Variants in CUL5 observed in about 807,000 individuals in gnomAD.
CUL5 encodes cullin 5.
Under a neutral mutation model 108.8 loss-of-function variants are expected in CUL5, and 26 were observed. The observed-to-expected ratio is 0.24, with a 90% CI of 0.18 to 0.33. The LOEUF is 0.33. CUL5 is among the 10% of genes least tolerant of loss of function. The pLI is 1.00. For missense variants in CUL5, 524 were observed against 909.2 expected (o/e 0.58, Z 5.45); for synonymous variants, 334 against 298.0 (o/e 1.12, Z -1.25).
Position 108,073,411 on chromosome 11 carries a change from C to G in CUL5, c.1027C>G (p.Gln343Glu), listed in dbSNP as rs1409629490. The change falls in exon 10 of 19, where the codon CAG (glutamine) becomes GAG (glutamate). Residue 343 changes from glutamine (Q) to glutamate (E), a missense_variant. Gln to Glu is a conservative substitution (Grantham distance 29). This residue lies in a region of CUL5 where 27 missense variants were observed against 21.3 expected (regional missense o/e 1.27). Transcript: ENST00000393094. ...CTAGGACTCTGAGAAATACGTTGAG[C>G]AGTTACTTACACTATTTAATAGATT... is the stretch of plus-strand genomic sequence containing the variant. Reference protein sequence around the residue: ...ITTDSEKYVEQLLTLFNRFSK... With the variant: ...ITTDSEKYVEELLTLFNRFSK... The G allele has an allele frequency of 1.9e-6, 3 of 1,567,204 alleles. No individual in the cohort carries two copies. Among genetic ancestry groups the G allele is most frequent in the Non-Finnish European group, 2.6e-6 (3 of 1,151,036 alleles).
chr11:108,065,276 G>C (rs1863645346), intron 7 of CUL5, among the ~76,000 whole-genome samples: 1 of 152,118 alleles, frequency 6.6e-6, no homozygotes. Flanking sequence ...GCCCACCTCT[G>C]CCTGGCAAAG....
chr11:108,102,771 T>G (rs1461144823), intron 18 of CUL5, among the ~76,000 whole-genome samples: 1 of 152,208 alleles, frequency 6.6e-6, no homozygotes, highest in Non-Finnish European at 1.5e-5. Context: ...ATTTTGACAT[T>G]TCTTTTACAA....
chr11:108,010,819 C>T (rs1174131218), intron 1 of CUL5, among the ~76,000 whole-genome samples: 1 of 152,116 alleles, frequency 6.6e-6, no homozygotes, highest in East Asian at 1.9e-4. Flanking sequence ...AATTTGTGGG[C>T]TGGGCACAGT....
At chr11:108,067,682 T>A (rs1863720302) in intron 7 of CUL5, among the ~76,000 whole-genome samples, 1 of 152,192 alleles carries the variant, frequency 6.6e-6, no homozygotes, top group Admixed American at 6.5e-5. Context: ...AAGTTTTCAA[T>A]GAAATAGAAA....
rs1861989228 is a variant in CUL5, at chr11:108,009,062, G to T, written c.-287G>T. 5.9e-6 allele frequency: 3 copies of T among 505,030 alleles called. No homozygotes were observed. The highest frequency in any genetic ancestry group is 3.6e-5 in the Admixed American group (1 of 27,900). The allele number at this position is 505,030 out of a possible 1,614,324, so 31.3% of individuals were successfully genotyped here. A position where few individuals can be genotyped will look rare whatever the true frequency, so the allele number is the denominator to read the frequency against. ...GTCGATGCTTCCTCTTCCAAGTCAG[G>T]TCGGCTCCCGTTACCTTCTCAGCAT... is the stretch of plus-strand genomic sequence containing the variant. On this transcript the variant is annotated 5_prime_UTR_variant, in exon 1 of 19. Coordinates refer to ENST00000393094, the MANE Select transcript of CUL5 (RefSeq NM_003478.6).
chr11:108,048,648 CTTTTTTTTTTTTTTTTTTTTTTTT>C (rs200991204), intron 3 of CUL5, among the ~76,000 whole-genome samples: 3 of 116,868 alleles, frequency 2.6e-5, no homozygotes, highest in Non-Finnish European at 5.1e-5. Flanking sequence ...ACTCCACCAC[CTTTTTTTTTTTTTTTTTTTTTTTT>C]TTTTTTTTTT....
chr11:108,094,200 A>G (rs1256799173), intron 13 of CUL5, among the ~76,000 whole-genome samples, 191 bp from the exon 14 acceptor site: 1 of 152,238 alleles, frequency 6.6e-6, no homozygotes, highest in Non-Finnish European at 1.5e-5. Context: ...TGCGCAAAGC[A>G]GGGACCCCTT....
At chr11:108,029,090 C>G (rs1862517595) in intron 1 of CUL5, among the ~76,000 whole-genome samples, 1 of 152,212 alleles carries the variant, frequency 6.6e-6, no homozygotes, top group Admixed American at 6.5e-5. Flanking sequence ...CTAGAATACC[C>G]TTTTTCCAGG....
Position 108,024,492 on chromosome 11 carries a change from C to G in CUL5, c.25-9310C>G, listed in dbSNP as rs1416425520. Among the ~76,000 whole-genome samples the G allele has an allele frequency of 2.0e-5, 3 of 152,234 alleles. No homozygotes were observed. The East Asian group carries it at 5.8e-4, about 29-fold the overall frequency. Reference sequence around the variant, plus strand: ...CATAGGATAGTTGTGAAGATTAATTCATACTTGTAAAGTGTTTGGAACAGT... The same window carrying G: ...CATAGGATAGTTGTGAAGATTAATTGATACTTGTAAAGTGTTTGGAACAGT... On this transcript the variant is annotated intron_variant, in intron 1 of 18. Coordinates refer to ENST00000393094, the MANE Select transcript of CUL5 (RefSeq NM_003478.6).
chr11:108,025,964 G>A (rs1002455008), intron 1 of CUL5, among the ~76,000 whole-genome samples: 8 of 152,142 alleles, frequency 5.3e-5, no homozygotes, highest in African/African-American at 1.9e-4. Flanking sequence ...CTCAGGAAGC[G>A]CTGTCCTGCA....
At chr11:108,069,872 T>G (rs956151347) in intron 7 of CUL5, among the ~76,000 whole-genome samples, 4 of 152,220 alleles carry the variant, frequency 2.6e-5, no homozygotes, top group African/African-American at 9.6e-5. Context: ...TTGTTAAAAT[T>G]TCTAAAGAGA....
chr11:108,066,707 T>G (rs1261374031), intron 7 of CUL5, among the ~76,000 whole-genome samples: 1 of 152,220 alleles, frequency 6.6e-6, no homozygotes. Context: ...GTATTTCTTA[T>G]CAAGCACCAG....
intron 7 of CUL5, among the ~76,000 whole-genome samples, chr11:108,060,568 G>T (rs1265968709): frequency 6.6e-6 from 1 of 152,124 alleles, no homozygotes; most frequent in Admixed American, 6.5e-5. Flanking sequence ...GGATGCCGTG[G>T]CCCACGCCTC....
chr11:108,066,891 T>G (rs923538372), intron 7 of CUL5, among the ~76,000 whole-genome samples: 8 of 152,338 alleles, frequency 5.3e-5, no homozygotes, highest in East Asian at 1.9e-4. Context: ...GTATATAGTT[T>G]ATGGGTTTCC....
Position 108,106,942 on chromosome 11 carries a change from G to C in CUL5, c.*2558G>C, listed in dbSNP as rs761237180. The C allele has an allele frequency of 1.3e-5, 2 of 150,190 alleles. No homozygotes were observed. The highest frequency in any genetic ancestry group is 3.0e-5 in the Non-Finnish European group (2 of 67,696). 9.3% of individuals were successfully genotyped at this position (150,190 alleles called of 1,614,324 possible). A position where few individuals can be genotyped will look rare whatever the true frequency, so the allele number is the denominator to read the frequency against. On this transcript the variant is annotated 3_prime_UTR_variant, in exon 19 of 19. Coordinates refer to ENST00000393094, the MANE Select transcript of CUL5 (RefSeq NM_003478.6). The stretch of plus-strand genomic sequence containing the variant: ...ACCCATCTTCTAGTTTAAAGACAGA[G>C]ACATCCCATCTGGAAAATGTTAACT...
intron 1 of CUL5, among the ~76,000 whole-genome samples, chr11:108,026,743 C>T (rs1468125501): frequency 6.6e-6 from 1 of 152,100 alleles, no homozygotes; most frequent in Non-Finnish European, 1.5e-5. Context: ...GTAATCCCAG[C>T]ACTTTGGGAG....
intron 18 of CUL5, 97 bp from the exon 19 acceptor site, chr11:108,104,093 A>T: frequency 1.5e-6 from 1 of 683,358 alleles, no homozygotes; most frequent in Non-Finnish European, 2.5e-6. Context: ...TAGATGTTGG[A>T]TAGAGGATGA....
chr11:108,085,855 A>G (rs1864209116), intron 11 of CUL5, among the ~76,000 whole-genome samples: 1 of 152,132 alleles, frequency 6.6e-6, no homozygotes, highest in African/African-American at 2.4e-5. Context: ...GGGTAATGAA[A>G]GTGTTCTAAA....
intron 11 of CUL5, among the ~76,000 whole-genome samples, chr11:108,085,478 A>G (rs1048774523): frequency 2.6e-5 from 4 of 152,194 alleles, no homozygotes; most frequent in Admixed American, 6.6e-5. Context: ...GTTTGGGATA[A>G]TGAAGAAGTT....
Sources: allele counts gnomAD v4.1 joint callset (sites outside exome capture counted in the v4.1 genomes callset), GRCh38; gene constraint gnomAD v4.1.1; regional missense constraint gnomAD v4.1.1; transcripts MANE v1.5; gene names NCBI Gene and HGNC (gene_info 2026-07-23, HGNC 2026-07-21).